The following HOXA3 variants were observed in gnomAD, a reference collection of about 807,000 sequenced individuals.
HOXA3 encodes homeobox protein Hox-A3.
A neutral mutation model predicts 30.3 loss-of-function variants in HOXA3; 8 were observed. The observed-to-expected ratio is 0.26, with a 90% CI of 0.15 to 0.48. The LOEUF (loss-of-function observed/expected upper bound fraction) is 0.48. HOXA3 is among the 20% of genes least tolerant of loss of function. The pLI is 0.99. For missense variants in HOXA3, 653 were observed against 614.4 expected (o/e 1.06, Z -0.66); for synonymous variants, 323 against 273.1 (o/e 1.18, Z -1.80).
chr7:27,118,320 G>A (rs559027594), intron 4 of HOXA3, among the ~76,000 whole-genome samples: 1 of 152,186 alleles, frequency 6.6e-6, no homozygotes, highest in African/African-American at 2.4e-5. Flanking sequence ...TGGCTCTGTA[G>A]AGAATCTAGA....
chr7:27,112,971 G>A (rs367546794), intron 4 of HOXA3, among the ~76,000 whole-genome samples: 1 of 152,094 alleles, frequency 6.6e-6, no homozygotes, highest in Non-Finnish European at 1.5e-5. Flanking sequence ...ATTCGATTCT[G>A]GGATCCCACC....
At chr7:27,143,810 G>A (rs768230223) in intron 1 of HOXA3, 12 of 974,892 alleles carry the variant, frequency 1.2e-5, no homozygotes, top group Non-Finnish European at 1.5e-5. Context: ...ACCTCTAGAG[G>A]TAAACTCGTG....
At position 27,110,065 on chromosome 7, in the gene HOXA3, G is replaced by A; in HGVS notation, c.526+50C>T. ...GCTGGATGTCGTGGGCAGTAGCTTG[G>A]GGACCAGGAGCCAGGCCAGAGGACC... On this transcript the variant is annotated intron_variant, in intron 5 of 5. Transcript: ENST00000612286. 4 of 1,611,462 alleles carry A rather than the reference G, an allele frequency of 2.5e-6. No homozygotes were observed. The Admixed American group carries it at 6.7e-5, about 27-fold the overall frequency.
At chr7:27,130,637 C>T (rs778824475) in intron 2 of HOXA3, 1 of 1,588,888 alleles carries the variant, frequency 6.3e-7, no homozygotes. Context: ...GGGCCGCCGT[C>T]TGCGCCGCCC....
At position 27,110,181 on chromosome 7, in the gene HOXA3, G is replaced by GT; in HGVS notation, c.459dup (p.Gln154ThrfsTer79). 6.2e-7 allele frequency: 1 copy of GT among 1,614,166 alleles called. No individual in the cohort carries two copies. Among genetic ancestry groups the GT allele is most frequent in the Non-Finnish European group, 8.5e-7 (1 of 1,180,026 alleles). ...GACTCTTTCATCCAGGGGAAGATTT[G>GT]TTTGGCCACTGTGGGTGAGTTGAGC... On this transcript the variant is annotated frameshift_variant, in exon 5 of 6. Transcript: ENST00000612286. LOFTEE classifies it high-confidence loss of function.
rs181098649 is a variant in HOXA3, at chr7:27,147,988, C to T, written c.-494+4300G>A. On this transcript the variant is annotated intron_variant, in intron 1 of 5. Transcript: ENST00000612286. ...GCCCCCAGCCCGCCCGCCCGCCGCC[C>T]GCCCGGCAGATTAATGGGCGCGCAC... 7.9e-3 allele frequency among the ~76,000 whole-genome samples: 1,201 copies of T among 152,346 alleles called. 6 individuals carry two copies. The highest frequency in any genetic ancestry group is 0.01 in the Non-Finnish European group (705 of 68,034).
chr7:27,138,690 G>A (rs1432284567), intron 2 of HOXA3, among the ~76,000 whole-genome samples: 4 of 152,184 alleles, frequency 2.6e-5, no homozygotes, highest in African/African-American at 9.7e-5. Flanking sequence ...AGGGGTGACT[G>A]GGGCCAATAT....
chr7:27,146,239 G>A (rs1308648890), intron 1 of HOXA3, among the ~76,000 whole-genome samples: 1 of 99,870 alleles, frequency 1.0e-5, no homozygotes, highest in Non-Finnish European at 2.1e-5. Flanking sequence ...GATGCAGGGT[G>A]TGTGTGTGTG....
intron 4 of HOXA3, among the ~76,000 whole-genome samples, chr7:27,112,835 A>T (rs1205577158): frequency 1.3e-5 from 2 of 152,392 alleles, no homozygotes; most frequent in East Asian, 3.9e-4. Context: ...CTAATCCATT[A>T]TCACGTTATA....
At position 27,108,086 on chromosome 7, in the gene HOXA3, G is replaced by A. The variant is rs765096151; in HGVS notation, c.1161C>T (p.His387=). The change falls in exon 6 of 6, where the codon CAC becomes CAT. Residue 387 remains histidine (H), a synonymous_variant. Transcript: ENST00000612286. This position sits in a 1 kb window ranked among gnomAD's most constrained non-coding sequence, Gnocchi z 5.0. ...NSGPALFGLT[H]LPHAASGAMD... ...TGGCGCCCGAGGCAGCGTGGGGGAG[G>A]TGAGTTAGACCAAAGAGGGCTGGCC... 1.1e-5 allele frequency: 18 copies of A among 1,612,774 alleles called. No homozygotes were observed. The highest frequency in any genetic ancestry group is 3.3e-5 in the Admixed American group (2 of 59,930).
chr7:27,136,142 C>T (rs182198339), intron 2 of HOXA3, among the ~76,000 whole-genome samples: 99 of 152,322 alleles, frequency 6.5e-4, no homozygotes, highest in Non-Finnish European at 1.3e-3. Flanking sequence ...ACTTTTGACC[C>T]TCAACTTTTT....
intron 4 of HOXA3, chr7:27,116,347 A>G (rs1784722670): frequency 6.5e-6 from 1 of 152,686 alleles, no homozygotes; most frequent in African/African-American, 2.4e-5. Flanking sequence ...GAGGAAGGTG[A>G]GGAATATCGT....
In HOXA3 at chr7:27,113,918, G is replaced by A. The variant is rs1260734827; in HGVS notation, c.-120-3158C>T. 6 of 119,462 alleles carry A rather than the reference G, an allele frequency of 5.0e-5. No homozygotes were observed. In the South Asian group the frequency reaches 1.3e-3, roughly 25 times the overall value. 7.4% of individuals were successfully genotyped at this position (119,462 alleles called of 1,614,324 possible). On this transcript the variant is annotated intron_variant, in intron 4 of 5. Transcript: ENST00000612286. The surrounding 1 kb of genome is among the most constrained non-coding windows in gnomAD (Gnocchi z 4.8). ...CACACCCCCGCCCCCTGCCCTTCCC[G>A]AGGGCAGCAGCCGCGGCCCGGAGAT...
At chr7:27,149,761 T>TA (rs1009103118) in intron 1 of HOXA3, among the ~76,000 whole-genome samples, 2 of 152,276 alleles carry the variant, frequency 1.3e-5, no homozygotes, top group African/African-American at 4.8e-5. Flanking sequence ...AAGGGACTTT[T>TA]AAAAATAGCT....
intron 2 of HOXA3, among the ~76,000 whole-genome samples, chr7:27,132,393 A>T (rs1298932343): frequency 6.6e-6 from 1 of 152,248 alleles, no homozygotes; most frequent in African/African-American, 2.4e-5. Flanking sequence ...ATGCTGGAAT[A>T]TATCCATTTG....
Position 27,107,726 on chromosome 7 carries a change from C to G in HOXA3, c.*189G>C, listed in dbSNP as rs992902096. On this transcript the variant is annotated 3_prime_UTR_variant, in exon 6 of 6. Coordinates refer to ENST00000612286, the MANE Select transcript of HOXA3 (RefSeq NM_153631.3). ...GCCATTCCAGCAACCAAGATTGCTA[C>G]GTCACATAAACTATAAAAACGCCTT... 16 of 466,338 alleles carry G rather than the reference C, an allele frequency of 3.4e-5. No individual in the cohort carries two copies. The highest frequency in any genetic ancestry group is 5.6e-5 in the Non-Finnish European group (15 of 267,530). The allele number at this position is 466,338 out of a possible 1,614,324, so 28.9% of individuals were successfully genotyped here. A position where few individuals can be genotyped will look rare whatever the true frequency, so the allele number is the denominator to read the frequency against.
At chr7:27,129,151 G>T in intron 2 of HOXA3, 1 of 913,424 alleles carries the variant, frequency 1.1e-6, no homozygotes, top group South Asian at 1.3e-5. Flanking sequence ...GGGGAGGGGT[G>T]GATGAGGAAC....
rs765056005 is a variant in HOXA3, at chr7:27,141,817, C to G, written c.-493-1631G>C. On this transcript the variant is annotated intron_variant, in intron 1 of 5. Coordinates refer to ENST00000612286, the MANE Select transcript of HOXA3 (RefSeq NM_153631.3). ...CGGGATCCGCTAATACTGCTCAGTA[C>G]TTTAAACGCTCAGATACTCAGGGAC... is the stretch of plus-strand genomic sequence containing the variant. 8 of 1,612,526 alleles carry G rather than the reference C, an allele frequency of 5.0e-6. No homozygotes were observed. In the Admixed American group the frequency reaches 6.7e-5, roughly 13 times the overall value.
rs140386822 is a variant in HOXA3, at chr7:27,143,470, G to C, written c.-493-3284C>G. 16 of 1,613,856 alleles carry C rather than the reference G, an allele frequency of 9.9e-6. No homozygotes were observed. The African/African-American group carries it at 1.7e-4, about 17-fold the overall frequency. ...TGAGATCCATGCCATTGTAGCCGTA[G>C]CCGTACCTGCCGGAGTGCATGCTCG... On this transcript the variant is annotated intron_variant, in intron 1 of 5. Coordinates refer to ENST00000612286, the MANE Select transcript of HOXA3 (RefSeq NM_153631.3).
Sources: allele counts gnomAD v4.1 joint callset (sites outside exome capture counted in the v4.1 genomes callset), GRCh38; gene constraint gnomAD v4.1.1; non-coding constraint Gnocchi (gnomAD v3.1); transcripts MANE v1.5; gene names NCBI Gene and HGNC (gene_info 2026-07-23, HGNC 2026-07-21).